TMEM238L: variants seen among roughly 807,000 people sequenced by gnomAD.
The protein encoded by TMEM238L is transmembrane protein 238-like.
chr17:10,795,652 T>G (rs1301113534), exon 2 of TMEM238L: 2 of 152,226 alleles, frequency 1.3e-5, no homozygotes, highest in Admixed American at 1.3e-4. Flanking sequence ...AGGATGAGTC[T>G]TCTCTTTTGG....
At chr17:10,802,472 G>A (rs1904775658) in intron 1 of TMEM238L, 1 of 152,178 alleles carries the variant, frequency 6.6e-6, no homozygotes, top group Admixed American at 6.6e-5. Flanking sequence ...GATCAGAGTG[G>A]GACTGACTTC....
exon 2 of TMEM238L, chr17:10,795,647 G>A (rs1022302134): frequency 4.6e-5 from 7 of 152,238 alleles, no homozygotes; most frequent in African/African-American, 1.7e-4. Context: ...TACAGAGGAT[G>A]AGTCTTCTCT....
chr17:10,802,256 G>T (rs1904768215), intron 1 of TMEM238L: 2 of 152,158 alleles, frequency 1.3e-5, no homozygotes, highest in South Asian at 4.1e-4. Flanking sequence ...TGGACTTTGG[G>T]TCAGTTAACT....
At chr17:10,799,232 C>G (rs1370763447) in intron 1 of TMEM238L, among the ~76,000 whole-genome samples, 1 of 152,226 alleles carries the variant, frequency 6.6e-6, no homozygotes, top group Non-Finnish European at 1.5e-5. Flanking sequence ...GAGTCTTGCT[C>G]TGCCGCCCAG....
chr17:10,800,920 A>G (rs2151523442), intron 1 of TMEM238L, among the ~76,000 whole-genome samples: 1 of 152,274 alleles, frequency 6.6e-6, no homozygotes, highest in South Asian at 2.1e-4. Context: ...TGGCTCCCCA[A>G]ATGGGTTTCA....
chr17:10,803,178 T>C (rs1056512299), intron 1 of TMEM238L, among the ~76,000 whole-genome samples: 1 of 152,068 alleles, frequency 6.6e-6, no homozygotes, highest in African/African-American at 2.4e-5. Flanking sequence ...CACCCCTTCA[T>C]GTATGCAAGG....
At chr17:10,797,848 T>C (rs2151521834) in intron 1 of TMEM238L, 1 of 152,332 alleles carries the variant, frequency 6.6e-6, no homozygotes, top group African/African-American at 2.4e-5. Flanking sequence ...GTCTCTCTGC[T>C]GCTTCTCTCT....
intron 1 of TMEM238L, among the ~76,000 whole-genome samples, chr17:10,799,806 A>G (rs948497097): frequency 6.6e-6 from 1 of 152,178 alleles, no homozygotes; most frequent in African/African-American, 2.4e-5. Flanking sequence ...GTTCTGGGTG[A>G]AATGTGTGTT....
intron 1 of TMEM238L, among the ~76,000 whole-genome samples, chr17:10,798,489 T>C (rs1054674963): frequency 1.3e-5 from 2 of 152,146 alleles, no homozygotes; most frequent in African/African-American, 4.8e-5. Context: ...GCCTCCTCTG[T>C]GGGCAGAGGG....
chr17:10,802,527 C>G (rs1367152959), intron 1 of TMEM238L: 3 of 152,570 alleles, frequency 2.0e-5, no homozygotes, highest in Non-Finnish European at 4.4e-5. Flanking sequence ...TTACCTTACT[C>G]TACTGAGACC....
rs79626581 is a variant in TMEM238L, at chr17:10,796,563, T to C, written c.*119-615A>G. On this transcript the variant is annotated intron_variant, in intron 1 of 1. Transcript: ENST00000581851. The stretch of plus-strand genomic sequence containing the variant: ...CACCCATCTTCAGCCACCCGATAAG[T>C]AGCATCATCTGATTTCTGTCTCCAC... Among the ~76,000 whole-genome samples the C allele has an allele frequency of 6.1e-3, 930 of 152,334 alleles. 6 individuals are homozygous for C. Among genetic ancestry groups the C allele is most frequent in the Non-Finnish European group, 0.01 (698 of 68,026 alleles).
intron 1 of TMEM238L, chr17:10,797,859 C>T (rs1354728758): frequency 2.6e-5 from 4 of 152,200 alleles, no homozygotes; most frequent in Non-Finnish European, 1.5e-5. Context: ...GCTTCTCTCT[C>T]ATCCATTCTG....
At chr17:10,803,923 C>T (rs969491419) in exon 1 of TMEM238L, 8 of 399,206 alleles carry the variant, frequency 2.0e-5, no homozygotes, top group African/African-American at 1.2e-4. Flanking sequence ...GAGCGCACAG[C>T]GCCCTGGATG....
At chr17:10,799,819 G>A (rs1470325880) in intron 1 of TMEM238L, among the ~76,000 whole-genome samples, 3 of 152,152 alleles carry the variant, frequency 2.0e-5, no homozygotes, top group South Asian at 2.1e-4. Flanking sequence ...TGTGTGTTAC[G>A]GGGTGGGTAG....
At chr17:10,796,032 T>C (rs73283484) in intron 1 of TMEM238L, 84 bp from the exon 2 acceptor site, 5,660 of 152,312 alleles carry the variant, frequency 0.037, 313 homozygotes, top group African/African-American at 0.12. Flanking sequence ...GAAACCAGCA[T>C]AGTCTTTGGA....
chr17:10,804,052 G>T (rs886790855), exon 1 of TMEM238L: 3 of 402,546 alleles, frequency 7.5e-6, no homozygotes, highest in African/African-American at 6.2e-5. Context: ...TGCCTTCTCT[G>T]CCTGCTGGGT....
rs201174266 is a variant in TMEM238L, at chr17:10,798,918, CA to C, written c.*119-2971del. Among the ~76,000 whole-genome samples the C allele has an allele frequency of 1.3e-3, 186 of 146,128 alleles. 1 individual carries two copies. Among genetic ancestry groups the C allele is most frequent in the African/African-American group, 3.8e-3 (154 of 40,112 alleles). On this transcript the variant is annotated intron_variant, in intron 1 of 1. Transcript: ENST00000581851. ...AATAACCAAGAAGTGGAAAATGGAG[CA>C]AAAAAAAAAATCTGAAAATACAGTG...
exon 2 of TMEM238L, chr17:10,795,221 C>T (rs933316220): frequency 6.6e-6 from 1 of 152,180 alleles, no homozygotes; most frequent in Non-Finnish European, 1.5e-5. Context: ...ATGAAAGACA[C>T]AAGGACAGCA....
intron 1 of TMEM238L, among the ~76,000 whole-genome samples, chr17:10,801,496 T>C (rs564581964): frequency 6.6e-6 from 1 of 152,288 alleles, no homozygotes; most frequent in East Asian, 1.9e-4. Context: ...TTTCCTGTTA[T>C]CCCAGGACCT....
Sources: gnomAD v4.1 joint callset for allele counts (sites outside exome capture counted in the v4.1 genomes callset) on GRCh38, gnomAD v4.1.1 for gene constraint, MANE v1.5 for transcripts, NCBI Gene and HGNC (gene_info 2026-07-23, HGNC 2026-07-21) for gene names.